The following HUNK variants were observed in gnomAD, a reference collection of about 807,000 sequenced individuals.
HUNK encodes hormonally up-regulated Neu-associated kinase, also known as hormonally up-regulated neu tumor-associated kinase.
HUNK carries 21 observed loss-of-function variants against 61.0 expected under a neutral mutation model. The observed-to-expected ratio is 0.34, with a 90% CI of 0.24 to 0.50. The LOEUF is 0.50. HUNK is among the 20% of genes least tolerant of loss of function. HUNK has a pLI of 0.98. For synonymous variants in HUNK, 371 were observed against 386.1 expected (o/e 0.96, Z 0.46); for missense variants, 772 against 945.7 (o/e 0.82, Z 2.41).
In HUNK at chr21:31,958,901, A is replaced by T. The variant is rs761917925; in HGVS notation, c.805A>T (p.Ser269Cys). ...GTLPFTVEPF[S>C]LRALYQKMVD... ...GCTGCCTTTCACGGTGGAGCCTTTCAGCCTGAGGGCTTTGTACCAGAAGAT... is the reference window on the plus strand; with the variant it reads ...GCTGCCTTTCACGGTGGAGCCTTTCTGCCTGAGGGCTTTGTACCAGAAGAT... The change falls in exon 5 of 11, where the codon AGC becomes TGC. Residue 269 changes from serine (S) to cysteine (C), a missense_variant. Ser to Cys is a moderately radical substitution (Grantham distance 112). Coordinates refer to ENST00000270112, the MANE Select transcript of HUNK (RefSeq NM_014586.2). 6.2e-7 allele frequency: 1 copy of T among 1,611,532 alleles called. No individual in the cohort carries two copies. Among genetic ancestry groups the T allele is most frequent in the Admixed American group, 1.7e-5 (1 of 59,904 alleles).
intron 4 of HUNK, among the ~76,000 whole-genome samples, chr21:31,947,419 C>CATCCCATTCTCAAGCCAA (rs1207377738): frequency 2.6e-5 from 4 of 152,236 alleles, no homozygotes; most frequent in African/African-American, 9.7e-5. Flanking sequence ...AATGGCGTCA[C>CATCCCATTCTCAAGCCAA]TGCCGAGATC....
At chr21:31,946,284 T>C in intron 4 of HUNK, 113 bp downstream of exon 4, 5 of 1,043,966 alleles carry the variant, frequency 4.8e-6, no homozygotes, top group Non-Finnish European at 5.4e-6. Flanking sequence ...GGCCCAGGAG[T>C]ATGTCATCAG....
Position 31,968,344 on chromosome 21 carries a change from T to C in HUNK, c.969T>C (p.Asn323=), listed in dbSNP as rs374629755. ...QALANRWLNE[N]YTGKVPCNVT... is the part of the protein sequence containing the mutation. Reference sequence around the variant, plus strand: ...TGGCGAATCGCTGGCTTAATGAGAATTACACGGGCAAAGTGCCCTGTAATG... The same window carrying C: ...TGGCGAATCGCTGGCTTAATGAGAACTACACGGGCAAAGTGCCCTGTAATG... The change falls in exon 6 of 11, where the codon AAT becomes AAC. Residue 323 remains asparagine (N), a synonymous_variant. Transcript: ENST00000270112. 6.2e-7 allele frequency: 1 copy of C among 1,614,054 alleles called. No individual in the cohort carries two copies. The highest frequency in any genetic ancestry group is 1.3e-5 in the African/African-American group (1 of 74,932).
intron 8 of HUNK, among the ~76,000 whole-genome samples, chr21:31,984,156 C>T (rs8130810): frequency 0.48 from 72,338 of 151,844 alleles, 18,511 homozygotes; most frequent in African/African-American, 0.64. Flanking sequence ...GAATAAGTTC[C>T]GGTGTTCTGT....
At chr21:31,886,362 G>A (rs1454094765) in intron 1 of HUNK, among the ~76,000 whole-genome samples, 1 of 149,710 alleles carries the variant, frequency 6.7e-6, no homozygotes, top group African/African-American at 2.5e-5. Flanking sequence ...GGAGGCGGAC[G>A]TTGCAGCGAG....
Position 31,885,897 on chromosome 21 carries a change from C to G in HUNK, c.261+11962C>G, listed in dbSNP as rs2052342418. ...TGACAGGCACGCGCCACCATACCCA[C>G]CTAATTTTTGTATTTTTAGTAAAGA... On this transcript the variant is annotated intron_variant, in intron 1 of 10. Coordinates refer to ENST00000270112, the MANE Select transcript of HUNK (RefSeq NM_014586.2). 1.3e-5 allele frequency among the ~76,000 whole-genome samples: 2 copies of G among 152,066 alleles called. 1 individual carries two copies. The highest frequency in any genetic ancestry group is 4.1e-4 in the South Asian group (2 of 4,826).
Position 31,980,479 on chromosome 21 carries a change from C to T in HUNK, c.1174-3047C>T, listed in dbSNP as rs375719039. Among the ~76,000 whole-genome samples, 5 of 151,470 alleles carry T rather than the reference C, an allele frequency of 3.3e-5. No individual in the cohort carries two copies. The South Asian group carries it at 6.2e-4, about 19-fold the overall frequency. On this transcript the variant is annotated intron_variant, in intron 7 of 10. Coordinates refer to ENST00000270112, the MANE Select transcript of HUNK (RefSeq NM_014586.2). ...GCAACCTCCGCCTCCCAGCTTCAAGCGATTCTCCTGCCTCAGCCTCCTGAG... is the reference window on the plus strand; with the variant it reads ...GCAACCTCCGCCTCCCAGCTTCAAGTGATTCTCCTGCCTCAGCCTCCTGAG...
intron 10 of HUNK, 77 bp downstream of exon 10, chr21:31,996,025 G>A: frequency 9.3e-7 from 1 of 1,078,850 alleles, no homozygotes; most frequent in Non-Finnish European, 1.3e-6. Flanking sequence ...ACAGGGGATG[G>A]TCGAATGGGC....
chr21:31,950,308 G>A (rs2052840625), intron 4 of HUNK, among the ~76,000 whole-genome samples: 1 of 151,588 alleles, frequency 6.6e-6, no homozygotes, highest in Non-Finnish European at 1.5e-5. Flanking sequence ...AAGAAGGCCA[G>A]GAAAGGTCAA....
At position 31,944,281 on chromosome 21, in the gene HUNK, G is replaced by T. The variant is rs550992024; in HGVS notation, c.611-1755G>T. On this transcript the variant is annotated intron_variant, in intron 3 of 10. Coordinates refer to ENST00000270112, the MANE Select transcript of HUNK (RefSeq NM_014586.2). ...TTTAGTAGAGACAGGGTTTCGCCATGTTGCCCAGGGTGGTTTTGAACTATT... is the reference window on the plus strand; with the variant it reads ...TTTAGTAGAGACAGGGTTTCGCCATTTTGCCCAGGGTGGTTTTGAACTATT... 2.0e-5 allele frequency among the ~76,000 whole-genome samples: 3 copies of T among 152,366 alleles called. No homozygotes were observed. The South Asian group carries it at 6.2e-4, about 32-fold the overall frequency.
chr21:31,950,181 T>G (rs147774895), intron 4 of HUNK, among the ~76,000 whole-genome samples: 5 of 152,168 alleles, frequency 3.3e-5, no homozygotes, highest in African/African-American at 1.2e-4. Context: ...GTAATGGCTG[T>G]GGAGGAAGTG....
At chr21:31,926,263 G>A (rs1415349760) in intron 2 of HUNK, among the ~76,000 whole-genome samples, 1 of 152,102 alleles carries the variant, frequency 6.6e-6, no homozygotes, top group Non-Finnish European at 1.5e-5. Context: ...GCAAGATTGA[G>A]GCATGACATA....
chr21:31,934,469 G>T (rs1399247616), intron 2 of HUNK, among the ~76,000 whole-genome samples: 1 of 144,592 alleles, frequency 6.9e-6, no homozygotes. Context: ...AAAAATACAC[G>T]AACACTGAAA....
intron 1 of HUNK, among the ~76,000 whole-genome samples, chr21:31,920,664 G>T (rs1335540679): frequency 6.6e-6 from 1 of 152,146 alleles, no homozygotes; most frequent in Admixed American, 6.5e-5. Context: ...ACTACTTGGG[G>T]CCAGACACAG....
intron 1 of HUNK, among the ~76,000 whole-genome samples, chr21:31,887,445 A>G (rs55641202): frequency 8.5e-5 from 13 of 152,220 alleles, no homozygotes; most frequent in Non-Finnish European, 1.5e-4. Context: ...ACATTTTGCA[A>G]TCCTGCTTGC....
Position 31,999,409 on chromosome 21 carries a change from A to G in HUNK, c.*225A>G. On this transcript the variant is annotated 3_prime_UTR_variant, in exon 11 of 11. Transcript: ENST00000270112. The stretch of plus-strand genomic sequence containing the variant: ...GCTCCAGGGGCAGCCAATTCCTATC[A>G]TTCAGATCTTCCTTCCTCCCAAGTA... 3.9e-6 allele frequency: 2 copies of G among 513,510 alleles called. No homozygotes were observed. Among genetic ancestry groups the G allele is most frequent in the South Asian group, 3.5e-5 (1 of 28,844 alleles). The allele number at this position is 513,510 out of a possible 1,614,324, so 31.8% of individuals were successfully genotyped here. A position where few individuals can be genotyped will look rare whatever the true frequency, so the allele number is the denominator to read the frequency against.
intron 1 of HUNK, among the ~76,000 whole-genome samples, chr21:31,887,234 AGTGTCAGGGGAT>A (rs1442460046): frequency 6.6e-6 from 1 of 152,188 alleles, no homozygotes; most frequent in Non-Finnish European, 1.5e-5. Flanking sequence ...AGTATTTTGC[AGTGTCAGGGGAT>A]GTTAACGGAC....
At chr21:31,938,669 A>G (rs2052748331) in intron 2 of HUNK, among the ~76,000 whole-genome samples, 1 of 152,236 alleles carries the variant, frequency 6.6e-6, no homozygotes, top group Non-Finnish European at 1.5e-5. Context: ...TTATCTCTCT[A>G]TTCAAAAGTG....
chr21:31,929,765 A>G (rs1001321623), intron 2 of HUNK, among the ~76,000 whole-genome samples: 2 of 152,236 alleles, frequency 1.3e-5, no homozygotes, highest in South Asian at 4.1e-4. Flanking sequence ...CGTGGCTCCC[A>G]GGGCCATGAC....
Sources: gnomAD v4.1 joint callset for allele counts (sites outside exome capture counted in the v4.1 genomes callset) on GRCh38, gnomAD v4.1.1 for gene constraint, MANE v1.5 for transcripts, NCBI Gene and HGNC (gene_info 2026-07-23, HGNC 2026-07-21) for gene names.